The following FYB1 variants were observed in gnomAD, a reference collection of about 807,000 sequenced individuals.
FYB1 encodes the protein FYN binding protein 1.
A neutral mutation model predicts 94.1 loss-of-function variants in FYB1; 41 were observed. The ratio of observed to expected loss-of-function variants is 0.44; its 90% CI spans 0.34 to 0.57. FYB1 has a LOEUF of 0.57. Ranked by LOEUF, FYB1 falls within the 20% of genes least tolerant of loss-of-function variation. The pLI, the probability that FYB1 is intolerant of heterozygous loss-of-function variation, is 0.02. For synonymous variants in FYB1, 367 were observed against 353.2 expected (o/e 1.04, Z -0.44); for missense variants, 1,050 against 976.8 (o/e 1.07, Z -1.00).
chr5:39,188,537 G>C (rs1747056026), intron 2 of FYB1, among the ~76,000 whole-genome samples: 1 of 91,058 alleles, frequency 1.1e-5, no homozygotes, highest in African/African-American at 4.1e-5. Flanking sequence ...ATCAACTACA[G>C]CACTTTTTTT....
chr5:39,196,362 C>T (rs898242516), intron 2 of FYB1, among the ~76,000 whole-genome samples: 1 of 151,846 alleles, frequency 6.6e-6, no homozygotes, highest in Non-Finnish European at 1.5e-5. Context: ...CACCACTATG[C>T]CTGGCTAATT....
intron 5 of FYB1, 122 bp downstream of exon 5, chr5:39,139,111 A>G: frequency 9.5e-7 from 1 of 1,051,922 alleles, no homozygotes; most frequent in Non-Finnish European, 1.3e-6. Context: ...TTAGAAATGG[A>G]AAAATATCAT....
At chr5:39,270,537 G>C (rs1752631110) in intron 1 of FYB1, 3 of 1,529,974 alleles carry the variant, frequency 2.0e-6, no homozygotes, top group African/African-American at 1.4e-5. Context: ...TTTGCCAGGA[G>C]ACCAAGGAGA....
chr5:39,128,572 T>C (rs981280777), intron 10 of FYB1, among the ~76,000 whole-genome samples: 1 of 152,106 alleles, frequency 6.6e-6, no homozygotes, highest in Non-Finnish European at 1.5e-5. Flanking sequence ...GAGAATGCTG[T>C]TATTAATTGT....
intron 3 of FYB1, among the ~76,000 whole-genome samples, chr5:39,150,065 C>T (rs1743103972): frequency 1.3e-5 from 2 of 152,230 alleles, no homozygotes; most frequent in Admixed American, 6.5e-5. Flanking sequence ...ACTTGTTCAC[C>T]TTTGTTAAAC....
intron 14 of FYB1, among the ~76,000 whole-genome samples, chr5:39,119,976 C>T (rs551867358): frequency 6.6e-6 from 1 of 152,122 alleles, no homozygotes; most frequent in South Asian, 2.1e-4. Flanking sequence ...AATTATCAGC[C>T]CTTTCTAGAT....
intron 2 of FYB1, among the ~76,000 whole-genome samples, chr5:39,191,481 C>A (rs896120467): frequency 1.3e-5 from 2 of 152,078 alleles, no homozygotes; most frequent in South Asian, 2.1e-4. Flanking sequence ...TTTTTGGTTT[C>A]GATTTTTTTC....
At chr5:39,262,670 C>T (rs541433958) in intron 1 of FYB1, among the ~76,000 whole-genome samples, 1 of 151,884 alleles carries the variant, frequency 6.6e-6, no homozygotes, top group Non-Finnish European at 1.5e-5. Flanking sequence ...AAAATAATGG[C>T]AACAAATCAA....
chr5:39,274,338 C>T (rs540404708), intron 1 of FYB1: 17 of 152,316 alleles, frequency 1.1e-4, no homozygotes, highest in African/African-American at 3.6e-4. Context: ...ATCTACTCTA[C>T]GTGCCCAACA....
intron 1 of FYB1, among the ~76,000 whole-genome samples, chr5:39,228,117 T>C (rs1033231803): frequency 1.3e-5 from 2 of 152,160 alleles, no homozygotes; most frequent in African/African-American, 4.8e-5. Flanking sequence ...AATAATATTA[T>C]TTCCACCTTC....
intron 1 of FYB1, among the ~76,000 whole-genome samples, chr5:39,259,368 G>C (rs753306005): frequency 6.6e-6 from 1 of 152,210 alleles, no homozygotes; most frequent in Non-Finnish European, 1.5e-5. Context: ...ATTTAGTAAC[G>C]AGTATGCGAA....
chr5:39,265,910 T>C (rs1189884922), intron 1 of FYB1, among the ~76,000 whole-genome samples: 1 of 151,350 alleles, frequency 6.6e-6, no homozygotes, highest in Admixed American at 6.6e-5. Context: ...TTTCAGGAGC[T>C]CCCATGTAGC....
intron 7 of FYB1, among the ~76,000 whole-genome samples, chr5:39,135,738 A>G (rs780879205): frequency 8.5e-5 from 13 of 152,330 alleles, no homozygotes; most frequent in Non-Finnish European, 1.8e-4. Flanking sequence ...ATTTATCATT[A>G]TCATGTACCA....
In FYB1 at chr5:39,134,324, T is replaced by C. The variant is rs901244630; in HGVS notation, c.1701A>G (p.Val567=). The change falls in exon 9 of 19, where the codon GTA becomes GTG. Residue 567 remains valine, a synonymous_variant. Coordinates refer to ENST00000512982, the MANE Select transcript of FYB1 (RefSeq NM_001465.6). ...GTTTCAAAGAATCATAGTCAATCTC[T>C]ACAGCAGTTGTTTTAATATAGCCAT... ...GSYGYIKTTA[V]EIDYDSLKLK... 1 of 1,609,664 alleles carries C rather than the reference T, an allele frequency of 6.2e-7. No homozygotes were observed.
intron 1 of FYB1, among the ~76,000 whole-genome samples, chr5:39,261,079 G>A (rs1296699900): frequency 6.6e-6 from 1 of 152,008 alleles, no homozygotes; most frequent in Non-Finnish European, 1.5e-5. Flanking sequence ...CACAGGAACA[G>A]AAAACCAAAC....
rs867298890 is a variant in FYB1 at position 39,243,741 on chromosome 5, A to G, written c.-28+30662T>C. Among the ~76,000 whole-genome samples, 3 of 152,222 alleles carry G rather than the reference A, an allele frequency of 2.0e-5. No individual in the cohort carries two copies. In the East Asian group the frequency reaches 5.8e-4, roughly 29 times the overall value. On this transcript the variant is annotated intron_variant, in intron 1 of 1. Transcript: ENST00000510188. ...CTAAATTACCTTGGGCAGTATGGCC[A>G]TTTTCACGATATTGATTCTTCCTAT...
At chr5:39,147,805 C>T (rs1174686007) in intron 3 of FYB1, among the ~76,000 whole-genome samples, 5 of 151,064 alleles carry the variant, frequency 3.3e-5, no homozygotes, top group Non-Finnish European at 7.4e-5. Flanking sequence ...CTCAGCCTCC[C>T]GAGTAGCTGG....
At chr5:39,120,129 A>G (rs1739952681) in intron 14 of FYB1, among the ~76,000 whole-genome samples, 2 of 151,918 alleles carry the variant, frequency 1.3e-5, no homozygotes, top group African/African-American at 4.8e-5. Context: ...GGTTAATAAA[A>G]AAACTTAAGT....
chr5:39,217,836 T>C (rs1038555900), intron 1 of FYB1, among the ~76,000 whole-genome samples: 2 of 152,224 alleles, frequency 1.3e-5, no homozygotes, highest in African/African-American at 2.4e-5. Flanking sequence ...TGAAATATCA[T>C]TTCTACATCC....
Sources: gnomAD v4.1 joint callset for allele counts (sites outside exome capture counted in the v4.1 genomes callset) on GRCh38, gnomAD v4.1.1 for gene constraint, MANE v1.5 for transcripts, NCBI Gene and HGNC (gene_info 2026-07-23, HGNC 2026-07-21) for gene names.